TTC28: variants seen among roughly 807,000 people sequenced by gnomAD.
TTC28 encodes tetratricopeptide repeat protein 28.
In TTC28, 61 loss-of-function variants were observed where a neutral mutation model predicts 198.0. That is an observed-to-expected ratio of 0.31 (90% CI 0.25 to 0.38). The LOEUF (loss-of-function observed/expected upper bound fraction) is 0.38, where lower values mean the gene tolerates loss of function less well. TTC28 is among the 10% of genes least tolerant of loss of function. The pLI, the probability that TTC28 is intolerant of heterozygous loss-of-function variation, is 1.00. For synonymous variants in TTC28, 1,171 were observed against 1,297.8 expected, an observed-to-expected ratio of 0.90 and a Z score of 2.10; for missense variants, 2,678 against 3,164.0, an observed-to-expected ratio of 0.85 and a Z score of 3.69.
rs559050864 is a variant in TTC28 at position 28,461,950 on chromosome 22, C to CA, written c.382-155308dup. Among the ~76,000 whole-genome samples the CA allele has an allele frequency of 1.2e-3, 180 of 152,338 alleles. 1 individual carries two copies. Among genetic ancestry groups the CA allele is most frequent in the Non-Finnish European group, 2.0e-3 (134 of 68,034 alleles). On this transcript the variant is annotated intron_variant, in intron 2 of 22. Coordinates refer to ENST00000397906, the MANE Select transcript of TTC28 (RefSeq NM_001145418.2). The stretch of plus-strand genomic sequence containing the variant: ...TTCCGTCCCAGTTACACCCATCATT[C>CA]ACCAACCAGCTTGTCTCAGAATCTT...
At chr22:28,333,460 T>C (rs2045648957) in intron 2 of TTC28, among the ~76,000 whole-genome samples, 1 of 152,110 alleles carries the variant, frequency 6.6e-6, no homozygotes, top group African/African-American at 2.4e-5. Flanking sequence ...ATATCTCACA[T>C]TGCAACAGCA....
chr22:28,232,377 G>A (rs1261461637), intron 5 of TTC28, among the ~76,000 whole-genome samples: 1 of 152,176 alleles, frequency 6.6e-6, no homozygotes, highest in Non-Finnish European at 1.5e-5. Context: ...AGGCCTCATG[G>A]GGCAGCCTTT....
intron 2 of TTC28, among the ~76,000 whole-genome samples, chr22:28,615,102 G>GA (rs1193811981): frequency 1.3e-5 from 2 of 150,816 alleles, no homozygotes; most frequent in African/African-American, 2.4e-5. Context: ...AAATTTACAA[G>GA]AAAAAAAACA....
intron 8 of TTC28, among the ~76,000 whole-genome samples, chr22:28,103,261 C>T (rs893996102): frequency 6.6e-6 from 1 of 152,156 alleles, no homozygotes; most frequent in Non-Finnish European, 1.5e-5. Flanking sequence ...AGGAAAGTCA[C>T]CAAATTGATC....
chr22:28,119,410 CTAAG>C (rs990499683), intron 6 of TTC28, among the ~76,000 whole-genome samples: 6 of 152,172 alleles, frequency 3.9e-5, no homozygotes, highest in African/African-American at 1.4e-4. Context: ...ATCATATTTC[CTAAG>C]TAAGTATCAA....
intron 2 of TTC28, among the ~76,000 whole-genome samples, chr22:28,573,325 T>C (rs1290927949): frequency 6.6e-6 from 1 of 151,288 alleles, no homozygotes; most frequent in African/African-American, 2.4e-5. Flanking sequence ...TGTGGTGGCA[T>C]GCGTGTAGTC....
At chr22:28,527,162 C>G (rs1408790712) in intron 2 of TTC28, among the ~76,000 whole-genome samples, 2 of 152,180 alleles carry the variant, frequency 1.3e-5, no homozygotes, top group Non-Finnish European at 2.9e-5. Flanking sequence ...AGTCTATCAG[C>G]AAATTCACAA....
chr22:28,550,535 T>C lies in TTC28; in HGVS notation c.381+79017A>G, dbSNP rs1601553431. 2.0e-5 allele frequency among the ~76,000 whole-genome samples: 3 copies of C among 152,102 alleles called. No individual in the cohort carries two copies. In the East Asian group the frequency reaches 5.8e-4, roughly 29 times the overall value. ...ACTAATCAAGTATTCATGCCCTACT[T>C]CTATCAGGAGTGTGCGTCTATCATT... On this transcript the variant is annotated intron_variant, in intron 2 of 22. Transcript: ENST00000397906.
Position 28,356,290 on chromosome 22 carries a change from A to G in TTC28, c.382-49647T>C, listed in dbSNP as rs1282560229. On this transcript the variant is annotated intron_variant, in intron 2 of 22. Transcript: ENST00000397906. ...CTTCCCACTTCCTCACTTTTCACTC[A>G]CTCTCCATCCACTGGATTCTCCTCT... Among the ~76,000 whole-genome samples, 3 of 151,586 alleles carry G rather than the reference A, an allele frequency of 2.0e-5. No individual in the cohort carries two copies. In the East Asian group the frequency reaches 5.8e-4, roughly 30 times the overall value.
chr22:27,980,902 A>ACATCT lies in TTC28; in HGVS notation c.*1314_*1318dup, dbSNP rs1249471414. The ACATCT allele has an allele frequency of 6.6e-6, 1 of 152,246 alleles. No individual in the cohort carries two copies. Among genetic ancestry groups the ACATCT allele is most frequent in the Admixed American group, 6.5e-5 (1 of 15,282 alleles). The allele number at this position is 152,246 out of a possible 1,614,324, so 9.4% of individuals were successfully genotyped here. A position where few individuals can be genotyped will look rare whatever the true frequency, so the allele number is the denominator to read the frequency against. On this transcript the variant is annotated 3_prime_UTR_variant, in exon 23 of 23. Transcript: ENST00000397906. ...GAAGTCCACCTCCACTTTTTAAGAT[A>ACATCT]CATCTCTCTCTTCCCGGTTGGCCAT...
chr22:28,568,020 G>T (rs2050007402), intron 2 of TTC28, among the ~76,000 whole-genome samples: 1 of 152,044 alleles, frequency 6.6e-6, no homozygotes, highest in Admixed American at 6.6e-5. Flanking sequence ...AACAAAAAAG[G>T]GGGAAGAATG....
At chr22:28,208,656 C>T (rs1392199067) in intron 5 of TTC28, among the ~76,000 whole-genome samples, 2 of 152,186 alleles carry the variant, frequency 1.3e-5, no homozygotes, top group Non-Finnish European at 2.9e-5. Context: ...ATATAAATTA[C>T]TATGCTATGA....
chr22:27,992,232 C>A (rs1382730516), intron 19 of TTC28, among the ~76,000 whole-genome samples: 1 of 152,184 alleles, frequency 6.6e-6, no homozygotes, highest in African/African-American at 2.4e-5. Flanking sequence ...CCTCTGTGCC[C>A]CTCTGAGTCA....
At chr22:28,182,803 C>G (rs964459874) in intron 5 of TTC28, among the ~76,000 whole-genome samples, 1 of 152,220 alleles carries the variant, frequency 6.6e-6, no homozygotes, top group Non-Finnish European at 1.5e-5. Flanking sequence ...GATTTCACAA[C>G]AAACAAGAGA....
intron 2 of TTC28, among the ~76,000 whole-genome samples, chr22:28,310,239 A>G (rs1052330534): frequency 1.3e-5 from 2 of 152,040 alleles, no homozygotes; most frequent in Admixed American, 1.3e-4. Context: ...AAAAAGCTCT[A>G]AGTGTCTTGA....
At chr22:28,487,669 TTC>T (rs1366095880) in intron 2 of TTC28, among the ~76,000 whole-genome samples, 33 of 152,296 alleles carry the variant, frequency 2.2e-4, no homozygotes, top group Non-Finnish European at 2.4e-4. Context: ...TAATTTCATA[TTC>T]TTTTTTCATC....
intron 6 of TTC28, among the ~76,000 whole-genome samples, chr22:28,121,381 T>A (rs1942783391): frequency 1.3e-5 from 2 of 152,164 alleles, no homozygotes; most frequent in South Asian, 4.1e-4. Flanking sequence ...TACATGCTTA[T>A]CTCCAGCCAA....
Position 28,108,322 on chromosome 22 carries a change from C to T in TTC28, c.1523G>A (p.Ser508Asn), listed in dbSNP as rs779311806. 101 of 1,524,402 alleles carry T rather than the reference C, an allele frequency of 6.6e-5. No individual in the cohort carries two copies. Among genetic ancestry groups the T allele is most frequent in the Non-Finnish European group, 8.6e-5 (97 of 1,128,462 alleles). 94.4% of individuals were successfully genotyped at this position (1,524,402 alleles called of 1,614,324 possible). A position where few individuals can be genotyped will look rare whatever the true frequency, so the allele number is the denominator to read the frequency against. Residue 508 changes from serine (S) to asparagine (N), a missense_variant, in exon 7 of 23, where the codon AGT (serine) becomes AAT (asparagine). Physicochemically the swap from Ser to Asn is conservative, Grantham distance 46. Around this residue, in one of 8 missense-constraint regions of TTC28, gnomAD observed 775 missense variants for 845.9 expected, o/e 0.92. Coordinates refer to ENST00000397906, the MANE Select transcript of TTC28 (RefSeq NM_001145418.2). Reference sequence around the variant, plus strand: ...GGCACGGCCCTGGGCAGCATAATCACTCAGCTCCTGGGCAATGCACAGGTG... The same window carrying T: ...GGCACGGCCCTGGGCAGCATAATCATTCAGCTCCTGGGCAATGCACAGGTG... ...KTHLCIAQEL[S>N]DYAAQGRAYG...
rs562834814 is a variant in TTC28 at position 28,481,209 on chromosome 22, TTA to T, written c.381+148341_381+148342del. ...CTTTTTGAACTTTTATTCCTGTCAT[TTA>T]TATGACAGAAGACATACCACAGAAA... On this transcript the variant is annotated intron_variant, in intron 2 of 22. Coordinates refer to ENST00000397906, the MANE Select transcript of TTC28 (RefSeq NM_001145418.2). Among the ~76,000 whole-genome samples the T allele has an allele frequency of 2.2e-4, 33 of 152,344 alleles. No homozygotes were observed. In the East Asian group the frequency reaches 6.2e-3, roughly 28 times the overall value.
Sources: gnomAD v4.1 joint callset for allele counts (sites outside exome capture counted in the v4.1 genomes callset) on GRCh38, gnomAD v4.1.1 for gene constraint, gnomAD v4.1.1 regional missense constraint, MANE v1.5 for transcripts, NCBI Gene and HGNC (gene_info 2026-07-23, HGNC 2026-07-21) for gene names.